The following ADAM29 variants were observed in gnomAD, a reference collection of about 807,000 sequenced individuals.
ADAM29 encodes the protein ADAM metallopeptidase domain 29.
For missense variants in ADAM29, 969 were observed against 1,001.8 expected, an observed-to-expected ratio of 0.97 and a Z score of 0.44; for synonymous variants, 367 against 342.3, an observed-to-expected ratio of 1.07 and a Z score of -0.80.
At chr4:174,935,045 T>TA (rs1474782742) in intron 3 of ADAM29, among the ~76,000 whole-genome samples, 1 of 152,168 alleles carries the variant, frequency 6.6e-6, no homozygotes, top group African/African-American at 2.4e-5. Context: ...CATATTATTG[T>TA]AACTGTGTTC....
chr4:174,977,905 C>T lies in ADAM29; in HGVS notation c.2380C>T (p.Gln794Ter). Residue 794 changes from glutamine to a stop codon, truncating the protein, a stop_gained, in exon 5 of 5, where the codon CAG (glutamine) becomes TAG (stop). Coordinates refer to ENST00000359240, the MANE Select transcript of ADAM29 (RefSeq NM_014269.4). LOFTEE classifies it high-confidence loss of function. ...GAGTCATCCTCAGTTGACGCCTTCCCAGAGTCAACCTCCTGTGACACCCTC... is the reference window on the plus strand; with the variant it reads ...GAGTCATCCTCAGTTGACGCCTTCCTAGAGTCAACCTCCTGTGACACCCTC... ...SQSHPQLTPS[Q>*]SQPPVTPSQR... The T allele has an allele frequency of 1.9e-6, 3 of 1,592,000 alleles. No individual in the cohort carries two copies. The highest frequency in any genetic ancestry group is 2.6e-6 in the Non-Finnish European group (3 of 1,167,320).
At chr4:174,926,590 T>C (rs1579005851) in intron 2 of ADAM29, among the ~76,000 whole-genome samples, 1 of 151,784 alleles carries the variant, frequency 6.6e-6, no homozygotes, top group South Asian at 2.1e-4. Flanking sequence ...ATAATGAGAC[T>C]CCATCTTAAT....
intron 4 of ADAM29, among the ~76,000 whole-genome samples, chr4:174,962,895 A>T (rs542674660): frequency 1.3e-5 from 2 of 152,356 alleles, no homozygotes; most frequent in South Asian, 4.1e-4. Context: ...AGCACGAATT[A>T]TCAATAAAAT....
chr4:174,944,598 G>A (rs999450449), intron 4 of ADAM29, among the ~76,000 whole-genome samples: 4 of 152,050 alleles, frequency 2.6e-5, no homozygotes, highest in Non-Finnish European at 5.9e-5. Flanking sequence ...GTGTGTTATG[G>A]GGGTTTGATG....
At chr4:174,962,428 C>G (rs1443013375) in intron 4 of ADAM29, among the ~76,000 whole-genome samples, 1 of 150,592 alleles carries the variant, frequency 6.6e-6, no homozygotes, top group Non-Finnish European at 1.5e-5. Flanking sequence ...AGGAGAATGG[C>G]GTGAACCCGG....
chr4:174,924,165 A>T (rs1001002095), intron 2 of ADAM29: 4 of 152,342 alleles, frequency 2.6e-5, no homozygotes, highest in Admixed American at 1.3e-4. Flanking sequence ...CAACTCAATT[A>T]AAAAATGAGC....
rs190341527 is a variant in ADAM29, at chr4:174,964,816, T to C, written c.-180-10530T>C. Among the ~76,000 whole-genome samples, 298 of 152,216 alleles carry C rather than the reference T, an allele frequency of 2.0e-3. 2 individuals are homozygous for C. The highest frequency in any genetic ancestry group is 3.4e-3 in the Non-Finnish European group (230 of 68,024). On this transcript the variant is annotated intron_variant, in intron 4 of 4. Transcript: ENST00000359240. ...TAACCACAAGATTATGGGTACCTTA[T>C]TTTTTAAAAGATGATTTATGAAATC...
intron 4 of ADAM29, among the ~76,000 whole-genome samples, chr4:174,965,296 T>A (rs1353472774): frequency 6.6e-6 from 1 of 152,074 alleles, no homozygotes; most frequent in Non-Finnish European, 1.5e-5. Context: ...CCAGCTCTCA[T>A]GAGAAATAAC....
At chr4:174,925,969 G>A (rs993000366) in intron 2 of ADAM29, among the ~76,000 whole-genome samples, 3 of 152,044 alleles carry the variant, frequency 2.0e-5, no homozygotes, top group African/African-American at 7.2e-5. Flanking sequence ...TCTAATGAAA[G>A]TCAGCTTTCT....
chr4:174,955,561 G>A (rs372698265), intron 4 of ADAM29, among the ~76,000 whole-genome samples: 6 of 151,942 alleles, frequency 3.9e-5, no homozygotes, highest in African/African-American at 1.4e-4. Context: ...ATAAAGACAA[G>A]CAAACATAAA....
In ADAM29 at chr4:174,976,163, G is replaced by C; in HGVS notation, c.638G>C (p.Arg213Pro). The change falls in exon 5 of 5, where the codon CGT becomes CCT. Residue 213 changes from arginine to proline, a missense_variant. Coordinates refer to ENST00000359240, the MANE Select transcript of ADAM29 (RefSeq NM_014269.4). ...GTCATTGATAATTATCTGTACATTCGTTATGAAAGGAACGACTCAAAGTTG... is the reference window on the plus strand; with the variant it reads ...GTCATTGATAATTATCTGTACATTCCTTATGAAAGGAACGACTCAAAGTTG... ...VVVIDNYLYI[R>P]YERNDSKLLE... is the part of the protein sequence containing the mutation. 6.2e-7 allele frequency: 1 copy of C among 1,612,208 alleles called. No homozygotes were observed. Among genetic ancestry groups the C allele is most frequent in the Non-Finnish European group, 8.5e-7 (1 of 1,179,590 alleles).
intron 4 of ADAM29, among the ~76,000 whole-genome samples, chr4:174,948,817 C>G (rs1191905715): frequency 1.3e-5 from 2 of 152,090 alleles, no homozygotes; most frequent in Admixed American, 6.6e-5. Flanking sequence ...AAGTTTGTAC[C>G]AGCAGTGGTG....
intron 4 of ADAM29, among the ~76,000 whole-genome samples, chr4:174,955,675 T>A (rs532935578): frequency 6.6e-6 from 1 of 151,632 alleles, no homozygotes; most frequent in Admixed American, 6.6e-5. Flanking sequence ...AGATCCCAGA[T>A]CAATTTTATT....
chr4:174,964,760 G>C (rs1201573728), intron 4 of ADAM29, among the ~76,000 whole-genome samples: 4 of 152,022 alleles, frequency 2.6e-5, no homozygotes, highest in African/African-American at 9.7e-5. Context: ...ATATAAACTT[G>C]AGTAAAACTC....
chr4:174,945,110 C>A (rs1744763047), intron 4 of ADAM29, among the ~76,000 whole-genome samples: 1 of 152,118 alleles, frequency 6.6e-6, no homozygotes, highest in Non-Finnish European at 1.5e-5. Flanking sequence ...AATTTACAAT[C>A]CCATTAGACC....
chr4:174,924,576 C>T (rs1043383322), intron 2 of ADAM29, among the ~76,000 whole-genome samples: 2 of 152,104 alleles, frequency 1.3e-5, no homozygotes, highest in Non-Finnish European at 2.9e-5. Flanking sequence ...CTTCAGTATG[C>T]TAATGAATAA....
At chr4:174,941,728 T>C (rs1744551078) in intron 4 of ADAM29, among the ~76,000 whole-genome samples, 1 of 152,170 alleles carries the variant, frequency 6.6e-6, no homozygotes, top group South Asian at 2.1e-4. Context: ...ACTCTACCCC[T>C]GGCCCCTCAC....
chr4:174,944,015 T>A (rs1345034903), intron 4 of ADAM29, among the ~76,000 whole-genome samples: 2 of 151,938 alleles, frequency 1.3e-5, no homozygotes, highest in Non-Finnish European at 2.9e-5. Flanking sequence ...ACTGAAACAC[T>A]GTTATATAGT....
At chr4:174,971,062 C>G (rs1579080551) in intron 4 of ADAM29, among the ~76,000 whole-genome samples, 1 of 152,038 alleles carries the variant, frequency 6.6e-6, no homozygotes, top group South Asian at 2.1e-4. Context: ...TATTGTGTCT[C>G]TTTTAACATA....
Sources: allele counts gnomAD v4.1 joint callset (sites outside exome capture counted in the v4.1 genomes callset), GRCh38; gene constraint gnomAD v4.1.1; transcripts MANE v1.5; gene names NCBI Gene and HGNC (gene_info 2026-07-23, HGNC 2026-07-21).